Variants in TBL1XR1 observed in about 807,000 individuals in gnomAD.
TBL1XR1 encodes TBL1X/Y related 1.
TBL1XR1 carries 5 observed loss-of-function variants against 66.9 expected under a neutral mutation model. The ratio of observed to expected loss-of-function variants is 0.07; its 90% CI spans 0.04 to 0.16. The LOEUF (loss-of-function observed/expected upper bound fraction) is 0.16. Among genes scored for constraint, TBL1XR1 ranks in the 10% least tolerant of loss-of-function variants. The pLI is 1.00. For synonymous variants in TBL1XR1, 210 were observed against 206.0 expected (o/e 1.02, Z -0.17); for missense variants, 238 against 623.2 (o/e 0.38, Z 6.58).
chr3:177,076,267 A>G (rs1307358369), intron 2 of TBL1XR1, among the ~76,000 whole-genome samples: 2 of 152,240 alleles, frequency 1.3e-5, no homozygotes, highest in Non-Finnish European at 2.9e-5. Context: ...TCAGGTTTCA[A>G]CATAAATTTT....
chr3:177,151,056 G>GA (rs915119638), intron 1 of TBL1XR1, among the ~76,000 whole-genome samples: 1 of 152,160 alleles, frequency 6.6e-6, no homozygotes, highest in Non-Finnish European at 1.5e-5. Context: ...TAGAATCACA[G>GA]AATCAGACAC....
At chr3:177,112,107 A>ATATATATATATATTTTTT in intron 1 of TBL1XR1, among the ~76,000 whole-genome samples, 4 of 37,648 alleles carry the variant, frequency 1.1e-4, no homozygotes, top group Non-Finnish European at 1.3e-4. Context: ...ATATATATAT[A>ATATATATATATATTTTTT]TTTTTTTTTT....
rs1236329476 is a variant in TBL1XR1 at position 177,024,698 on chromosome 3, C to T, written c.*800G>A. Reference sequence around the variant, plus strand: ...AAACTATTGCATTTAAGCCACATCACCAAAAAACAAAAAAGAAAAAAAAAA... The same window carrying T: ...AAACTATTGCATTTAAGCCACATCATCAAAAAACAAAAAAGAAAAAAAAAA... On this transcript the variant is annotated 3_prime_UTR_variant, in exon 16 of 16. Coordinates refer to ENST00000457928, the MANE Select transcript of TBL1XR1 (RefSeq NM_024665.7). 2 of 130,430 alleles carry T rather than the reference C, an allele frequency of 1.5e-5. No homozygotes were observed. The highest frequency in any genetic ancestry group is 3.2e-5 in the Non-Finnish European group (2 of 62,156). The allele number at this position is 130,430 out of a possible 1,614,324, so 8.1% of individuals were successfully genotyped here. A position where few individuals can be genotyped will look rare whatever the true frequency, so the allele number is the denominator to read the frequency against.
At chr3:177,158,229 CT>C (rs869191638) in intron 1 of TBL1XR1, among the ~76,000 whole-genome samples, 1,567 of 40,626 alleles carry the variant, frequency 0.039, 28 homozygotes, top group African/African-American at 0.083. Flanking sequence ...TGTTTCTTTT[CT>C]TTTTTTTTTT....
At chr3:177,091,460 T>C (rs73187529) in intron 2 of TBL1XR1, among the ~76,000 whole-genome samples, 11,130 of 152,170 alleles carry the variant, frequency 0.073, 545 homozygotes, top group Admixed American at 0.16. Context: ...ATCAGGACTT[T>C]AGAGACATAG....
chr3:177,125,037 A>G (rs1727439457), intron 1 of TBL1XR1, among the ~76,000 whole-genome samples: 1 of 152,136 alleles, frequency 6.6e-6, no homozygotes, highest in Non-Finnish European at 1.5e-5. Context: ...ATATGCCACC[A>G]AGAGTACAAG....
Position 177,022,209 on chromosome 3 carries a change from C to T in TBL1XR1, c.*3289G>A, listed in dbSNP as rs1712470387. The T allele has an allele frequency of 6.6e-6, 1 of 152,454 alleles. No homozygotes were observed. The highest frequency in any genetic ancestry group is 2.1e-4 in the South Asian group (1 of 4,830). 9.4% of individuals were successfully genotyped at this position (152,454 alleles called of 1,614,324 possible). On this transcript the variant is annotated 3_prime_UTR_variant, in exon 16 of 16. Transcript: ENST00000457928. ...TTTTCGTATGTCAAAAAGCAAAAAA[C>T]CTTCATGTATTTCAATCTAGTGATT...
At chr3:177,062,256 T>A (rs1718609112) in intron 3 of TBL1XR1, among the ~76,000 whole-genome samples, 1 of 152,252 alleles carries the variant, frequency 6.6e-6, no homozygotes. Flanking sequence ...TTATCTTGAA[T>A]ACTCAGCATA....
intron 1 of TBL1XR1, among the ~76,000 whole-genome samples, chr3:177,169,567 A>C (rs534008549): frequency 2.0e-5 from 3 of 152,354 alleles, no homozygotes; most frequent in Admixed American, 1.3e-4. Flanking sequence ...AGGCAATGCT[A>C]CTACAAAACC....
At chr3:177,133,174 C>T (rs1728501486) in intron 1 of TBL1XR1, among the ~76,000 whole-genome samples, 1 of 152,126 alleles carries the variant, frequency 6.6e-6, no homozygotes, top group Admixed American at 6.5e-5. Flanking sequence ...GTAATCCCAG[C>T]TACTCAGGAG....
chr3:177,183,862 G>A (rs912928945), intron 1 of TBL1XR1, among the ~76,000 whole-genome samples: 1 of 152,024 alleles, frequency 6.6e-6, no homozygotes, highest in African/African-American at 2.4e-5. Flanking sequence ...AGCACTTCGG[G>A]AGGCCAAGGC....
At chr3:177,167,525 CGT>C (rs1305534256) in intron 1 of TBL1XR1, among the ~76,000 whole-genome samples, 2 of 152,350 alleles carry the variant, frequency 1.3e-5, no homozygotes, top group Non-Finnish European at 2.9e-5. Context: ...CTGTAACCAA[CGT>C]ACCACTCTGG....
chr3:177,075,962 C>A (rs139382382), intron 2 of TBL1XR1, among the ~76,000 whole-genome samples: 1 of 151,618 alleles, frequency 6.6e-6, no homozygotes, highest in Non-Finnish European at 1.5e-5. Context: ...TTGGGGCTAC[C>A]GGAAAAAAAA....
intron 1 of TBL1XR1, among the ~76,000 whole-genome samples, chr3:177,189,649 CAA>C (rs761647251): frequency 1.1e-4 from 5 of 45,252 alleles, no homozygotes; most frequent in Admixed American, 5.5e-4. Context: ...GACTCCATCT[CAA>C]AAAAAAAAAA....
At position 177,167,887 on chromosome 3, in the gene TBL1XR1, T is replaced by C. The variant is rs530713620; in HGVS notation, c.-122+29234A>G. Among the ~76,000 whole-genome samples the C allele has an allele frequency of 4.2e-4, 64 of 152,214 alleles. No homozygotes were observed. In the South Asian group the frequency reaches 8.3e-3, roughly 20 times the overall value. On this transcript the variant is annotated intron_variant, in intron 1 of 15. Coordinates refer to ENST00000457928, the MANE Select transcript of TBL1XR1 (RefSeq NM_024665.7). ...GCTGCAGTGAGTCGAGATCATGCCA[T>C]TGCACTACAGCCTGGGCAACAAGAG...
intron 1 of TBL1XR1, among the ~76,000 whole-genome samples, chr3:177,139,043 C>T (rs1475614204): frequency 6.6e-6 from 1 of 152,112 alleles, no homozygotes; most frequent in Non-Finnish European, 1.5e-5. Flanking sequence ...CCAAGATGCA[C>T]CAAAAATTTG....
chr3:177,045,931 G>C (rs904002283), intron 10 of TBL1XR1, among the ~76,000 whole-genome samples, 198 bp downstream of exon 10: 1 of 151,960 alleles, frequency 6.6e-6, no homozygotes, highest in African/African-American at 2.4e-5. Context: ...AATGCTTTAT[G>C]GTACATTTCA....
At chr3:177,077,551 T>C (rs1184921696) in intron 2 of TBL1XR1, among the ~76,000 whole-genome samples, 1 of 152,206 alleles carries the variant, frequency 6.6e-6, no homozygotes, top group Admixed American at 6.5e-5. Context: ...ATCACCTGTA[T>C]TATTACGACA....
At chr3:177,134,161 T>C (rs1183479008) in intron 1 of TBL1XR1, among the ~76,000 whole-genome samples, 1 of 152,232 alleles carries the variant, frequency 6.6e-6, no homozygotes, top group African/African-American at 2.4e-5. Context: ...CCCACTGTGA[T>C]GTCTACAACC....
Sources: gnomAD v4.1 joint callset for allele counts (sites outside exome capture counted in the v4.1 genomes callset) on GRCh38, gnomAD v4.1.1 for gene constraint, MANE v1.5 for transcripts, NCBI Gene and HGNC (gene_info 2026-07-23, HGNC 2026-07-21) for gene names.